LINGO2: variants seen among roughly 807,000 people sequenced by gnomAD.
The protein encoded by LINGO2 is leucine rich repeat and Ig domain containing 2, also known as leucine-rich repeat and immunoglobulin-like domain-containing nogo receptor-interacting protein 2.
LINGO2 carries 14 observed loss-of-function variants against 30.6 expected under a neutral mutation model. That is an observed-to-expected ratio of 0.46 (90% CI 0.30 to 0.72). LINGO2 has a LOEUF of 0.72. Ranked by LOEUF, LINGO2 falls within the 30% of genes least tolerant of loss-of-function variation. The pLI is 0.07. For synonymous variants in LINGO2, 317 were observed against 288.5 expected (o/e 1.10, Z -1.00); for missense variants, 729 against 751.7 (o/e 0.97, Z 0.35).
chr9:28,690,343 C>T, the LINGO2 span, among the ~76,000 whole-genome samples: 1 of 152,168 alleles, frequency 6.6e-6, no homozygotes, highest in Non-Finnish European at 1.5e-5. Context: ...AAGATGTACC[C>T]AGATTCCTGA....
chr9:28,145,800 T>G (rs1827797281), intron 4 of LINGO2, among the ~76,000 whole-genome samples: 1 of 152,198 alleles, frequency 6.6e-6, no homozygotes. Flanking sequence ...CTTTTTTTCT[T>G]TCACAAATAG....
chr9:28,228,831 T>A (rs1314539055), intron 4 of LINGO2, among the ~76,000 whole-genome samples: 1 of 151,798 alleles, frequency 6.6e-6, no homozygotes, highest in Non-Finnish European at 1.5e-5. Flanking sequence ...ATGTTTTTAT[T>A]AAATTTCTAT....
chr9:28,250,797 C>T (rs1021886755), intron 4 of LINGO2, among the ~76,000 whole-genome samples: 5 of 152,204 alleles, frequency 3.3e-5, no homozygotes, highest in African/African-American at 1.2e-4. Flanking sequence ...ACGCTTCCCA[C>T]TCCCTATTCA....
chr9:27,946,634 A>G (rs1167825760), downstream of LINGO2, among the ~76,000 whole-genome samples: 2 of 152,104 alleles, frequency 1.3e-5, no homozygotes, highest in African/African-American at 2.4e-5. Context: ...TGAAATCTCT[A>G]ACAGTTCATT....
intron 4 of LINGO2, among the ~76,000 whole-genome samples, chr9:28,030,113 A>G (rs1190333905): frequency 1.3e-5 from 2 of 152,324 alleles, no homozygotes; most frequent in Non-Finnish European, 2.9e-5. Context: ...GTAATTGGCT[A>G]TCACTGATCA....
the LINGO2 span, among the ~76,000 whole-genome samples, chr9:28,826,430 T>C: frequency 6.6e-6 from 1 of 152,154 alleles, no homozygotes; most frequent in South Asian, 2.1e-4. Flanking sequence ...GGGCCAGATT[T>C]TTCCTGTACT....
chr9:29,189,069 C>A, the LINGO2 span, among the ~76,000 whole-genome samples: 729 of 105,626 alleles, frequency 6.9e-3, 12 homozygotes, highest in African/African-American at 0.022. Context: ...TGACCCCCCC[C>A]ACCTCCATCC....
the LINGO2 span, among the ~76,000 whole-genome samples, chr9:29,131,055 T>G: frequency 1.3e-5 from 2 of 152,170 alleles, no homozygotes; most frequent in Non-Finnish European, 2.9e-5. Flanking sequence ...ATGGTTACTG[T>G]AACCTGGATA....
intron 4 of LINGO2, among the ~76,000 whole-genome samples, chr9:28,223,619 A>G (rs1821043389): frequency 6.6e-6 from 1 of 152,212 alleles, no homozygotes; most frequent in African/African-American, 2.4e-5. Flanking sequence ...GGAAACAAAA[A>G]GACTAGTTTA....
At chr9:28,567,470 A>G (rs1823440526) in intron 1 of LINGO2, among the ~76,000 whole-genome samples, 1 of 152,160 alleles carries the variant, frequency 6.6e-6, no homozygotes, top group South Asian at 2.1e-4. Context: ...CAGCCATAGA[A>G]AAAAACAAAA....
chr9:28,457,760 G>T, intron 2 of LINGO2, among the ~76,000 whole-genome samples: 1 of 152,000 alleles, frequency 6.6e-6, no homozygotes, highest in East Asian at 1.9e-4. Context: ...CTAATTCCAA[G>T]AATATAAAAC....
At chr9:28,003,032 GA>G (rs1563901229) in intron 5 of LINGO2, among the ~76,000 whole-genome samples, 1 of 151,974 alleles carries the variant, frequency 6.6e-6, no homozygotes, top group Non-Finnish European at 1.5e-5. Flanking sequence ...AAAGTGGATT[GA>G]AAAATGAATA....
the LINGO2 span, among the ~76,000 whole-genome samples, chr9:28,893,333 C>T: frequency 2.6e-5 from 4 of 151,910 alleles, no homozygotes; most frequent in African/African-American, 9.7e-5. Flanking sequence ...TTTTTAATGG[C>T]CAACTATTTC....
intron 4 of LINGO2, among the ~76,000 whole-genome samples, chr9:28,057,392 G>C (rs1824976877): frequency 6.6e-6 from 1 of 151,518 alleles, no homozygotes. Flanking sequence ...TTTAATTATG[G>C]AACCATTTGC....
the LINGO2 span, among the ~76,000 whole-genome samples, chr9:29,041,557 A>G: frequency 9.2e-5 from 14 of 152,030 alleles, no homozygotes; most frequent in African/African-American, 3.1e-4. Flanking sequence ...ATGGGTAACC[A>G]GAGTTAAGAA....
the LINGO2 span, among the ~76,000 whole-genome samples, chr9:28,695,142 A>G: frequency 1.3e-5 from 2 of 151,960 alleles, no homozygotes; most frequent in Non-Finnish European, 1.5e-5. Flanking sequence ...GACAGTGAAC[A>G]AAGTTTTTCA....
chr9:28,862,825 C>T, the LINGO2 span, among the ~76,000 whole-genome samples: 2 of 152,054 alleles, frequency 1.3e-5, no homozygotes, highest in African/African-American at 4.8e-5. Flanking sequence ...TATTTGAAAG[C>T]TTAATCAGTT....
the LINGO2 span, among the ~76,000 whole-genome samples, chr9:28,789,458 TCC>T: frequency 6.6e-6 from 1 of 152,144 alleles, no homozygotes; most frequent in Non-Finnish European, 1.5e-5. Flanking sequence ...CAGCTTGGAC[TCC>T]CTCTTTTCAC....
intron 1 of LINGO2, among the ~76,000 whole-genome samples, chr9:28,661,536 CTTTATAAGCACTATTTCCT>C (rs1267259983): frequency 6.6e-6 from 1 of 152,152 alleles, no homozygotes; most frequent in Admixed American, 6.6e-5. Flanking sequence ...GATTCTACAA[CTTTATAAGCACTATTTCCT>C]TCCTGTTGCT....
Sources: gnomAD v4.1 joint callset for allele counts (sites outside exome capture counted in the v4.1 genomes callset) on GRCh38, gnomAD v4.1.1 for gene constraint, MANE v1.5 for transcripts, NCBI Gene and HGNC (gene_info 2026-07-23, HGNC 2026-07-21) for gene names.